LMBR1: variants seen among roughly 807,000 people sequenced by gnomAD.
LMBR1 encodes the protein limb region 1 protein homolog.
In LMBR1, 52 loss-of-function variants were observed where a neutral mutation model predicts 73.9. The observed-to-expected ratio is 0.70, with a 90% CI of 0.56 to 0.89. The LOEUF is 0.89. Among genes scored for constraint, LMBR1 ranks in the 40% least tolerant of loss-of-function variants. LMBR1 has a pLI of 0.00. For synonymous variants in LMBR1, 215 were observed against 209.4 expected (o/e 1.03, Z -0.23); for missense variants, 539 against 579.8 (o/e 0.93, Z 0.72).
chr7:156,730,781 C>CA (rs555895675), intron 10 of LMBR1, among the ~76,000 whole-genome samples: 78 of 152,000 alleles, frequency 5.1e-4, no homozygotes, highest in African/African-American at 1.8e-3. Flanking sequence ...ACTAAAAATA[C>CA]AAAAAATTAG....
intron 5 of LMBR1, among the ~76,000 whole-genome samples, chr7:156,775,434 T>C (rs1469775091): frequency 1.3e-5 from 2 of 152,186 alleles, no homozygotes; most frequent in Non-Finnish European, 2.9e-5. Context: ...AGATCACACA[T>C]GCACACATAC....
At chr7:156,889,663 C>T (rs1328024199) in intron 1 of LMBR1, among the ~76,000 whole-genome samples, 1 of 152,084 alleles carries the variant, frequency 6.6e-6, no homozygotes, top group Non-Finnish European at 1.5e-5. Context: ...GTACCAAAAC[C>T]GTTTTCAGGG....
At chr7:156,810,686 C>A (rs1479390267) in intron 4 of LMBR1, among the ~76,000 whole-genome samples, 1 of 152,106 alleles carries the variant, frequency 6.6e-6, no homozygotes, top group Non-Finnish European at 1.5e-5. Context: ...AGCCACCATG[C>A]CTGGCCCTGG....
chr7:156,806,420 ATAGT>A (rs1411671659), intron 4 of LMBR1, among the ~76,000 whole-genome samples: 7 of 151,680 alleles, frequency 4.6e-5, no homozygotes, highest in African/African-American at 1.7e-4. Context: ...CATCTGTGAA[ATAGT>A]TTTACTGTTT....
At chr7:156,886,264 A>C (rs1801888106) in intron 1 of LMBR1, among the ~76,000 whole-genome samples, 1 of 152,226 alleles carries the variant, frequency 6.6e-6, no homozygotes, top group African/African-American at 2.4e-5. Context: ...CAGACCTTCA[A>C]GGGAGGATAG....
At chr7:156,699,030 T>C (rs1202091661) in intron 15 of LMBR1, among the ~76,000 whole-genome samples, 1 of 152,236 alleles carries the variant, frequency 6.6e-6, no homozygotes, top group East Asian at 1.9e-4. Context: ...AAGTCACCTC[T>C]TGAATGCTTT....
intron 5 of LMBR1, among the ~76,000 whole-genome samples, chr7:156,776,972 C>T (rs1204928587): frequency 6.6e-6 from 1 of 151,410 alleles, no homozygotes; most frequent in East Asian, 1.9e-4. Context: ...TCGCCTGTCG[C>T]CCAGGCTGGA....
chr7:156,738,424 A>G (rs528327325), intron 9 of LMBR1, among the ~76,000 whole-genome samples: 88 of 152,242 alleles, frequency 5.8e-4, no homozygotes, highest in African/African-American at 1.9e-3. Flanking sequence ...AAGAACTGCA[A>G]TTCCTAGGCA....
intron 4 of LMBR1, among the ~76,000 whole-genome samples, chr7:156,798,508 A>G (rs918513790): frequency 2.0e-5 from 3 of 152,166 alleles, no homozygotes; most frequent in African/African-American, 7.2e-5. Flanking sequence ...GCAACTTTTA[A>G]AAGTTGTATC....
chr7:156,866,253 T>G (rs1217040437), intron 1 of LMBR1, among the ~76,000 whole-genome samples: 1 of 152,096 alleles, frequency 6.6e-6, no homozygotes, highest in Non-Finnish European at 1.5e-5. Context: ...AAATTTTATT[T>G]GGGAGTGACA....
chr7:156,793,497 A>G (rs1164766551), intron 5 of LMBR1, among the ~76,000 whole-genome samples: 1 of 152,242 alleles, frequency 6.6e-6, no homozygotes, highest in African/African-American at 2.4e-5. Context: ...TGCTAGCTGT[A>G]ATGCTCAAGC....
chr7:156,717,134 T>C (rs1813382730), intron 15 of LMBR1, among the ~76,000 whole-genome samples: 1 of 151,968 alleles, frequency 6.6e-6, no homozygotes, highest in South Asian at 2.1e-4. Context: ...CAGAGCTAAA[T>C]CTTGTTTCAG....
intron 4 of LMBR1, among the ~76,000 whole-genome samples, chr7:156,797,547 C>G (rs1371370160): frequency 6.6e-6 from 1 of 152,214 alleles, no homozygotes; most frequent in East Asian, 1.9e-4. Flanking sequence ...CCTCTGCTCT[C>G]AGAGCTGCTC....
intron 1 of LMBR1, among the ~76,000 whole-genome samples, chr7:156,886,861 T>C (rs1220208759): frequency 6.6e-6 from 1 of 152,208 alleles, no homozygotes; most frequent in Non-Finnish European, 1.5e-5. Flanking sequence ...ATCTCTATTT[T>C]AACATTAATG....
At chr7:156,872,788 G>C (rs1229452140) in intron 1 of LMBR1, among the ~76,000 whole-genome samples, 1 of 152,216 alleles carries the variant, frequency 6.6e-6, no homozygotes, top group Non-Finnish European at 1.5e-5. Flanking sequence ...GGACTAGATT[G>C]CAGCTCCCAC....
In LMBR1 at chr7:156,796,528, G is replaced by C. The variant is rs965135104; in HGVS notation, c.320-36C>G. On this transcript the variant is annotated intron_variant, in intron 4 of 16. Transcript: ENST00000353442. Reference sequence around the variant, plus strand: ...GGTAACAAGAAAAGAAGAAAAACAGGTTAGATATTGAAATTGTGGTATTAA... The same window carrying C: ...GGTAACAAGAAAAGAAGAAAAACAGCTTAGATATTGAAATTGTGGTATTAA... 8.8e-6 allele frequency: 12 copies of C among 1,363,340 alleles called. No homozygotes were observed. The East Asian group carries it at 2.6e-4, about 30-fold the overall frequency. The allele number at this position is 1,363,340 out of a possible 1,614,324, so 84.5% of individuals were successfully genotyped here. A position where few individuals can be genotyped will look rare whatever the true frequency, so the allele number is the denominator to read the frequency against.
At chr7:156,739,863 A>C (rs1818577987) in intron 9 of LMBR1, among the ~76,000 whole-genome samples, 1 of 152,196 alleles carries the variant, frequency 6.6e-6, no homozygotes, top group Admixed American at 6.5e-5. Context: ...ACAAGCGTCA[A>C]GACCATCCAG....
intron 4 of LMBR1, among the ~76,000 whole-genome samples, chr7:156,816,719 T>C (rs1585995072): frequency 6.6e-6 from 1 of 152,194 alleles, no homozygotes; most frequent in East Asian, 1.9e-4. Flanking sequence ...ATAGACATAA[T>C]AATGTATCTA....
intron 4 of LMBR1, among the ~76,000 whole-genome samples, chr7:156,806,297 GA>G (rs1245883911): frequency 6.6e-6 from 1 of 152,108 alleles, no homozygotes; most frequent in Non-Finnish European, 1.5e-5. Context: ...CCAGTATATA[GA>G]AATATAATTG....
Sources: allele counts gnomAD v4.1 joint callset (sites outside exome capture counted in the v4.1 genomes callset), GRCh38; gene constraint gnomAD v4.1.1; transcripts MANE v1.5; gene names NCBI Gene and HGNC (gene_info 2026-07-23, HGNC 2026-07-21).